HTR7: variants seen among roughly 807,000 people sequenced by gnomAD.
The protein encoded by HTR7 is 5-HT-7.
HTR7 carries 16 observed loss-of-function variants against 34.0 expected under a neutral mutation model. The ratio of observed to expected loss-of-function variants is 0.47; its 90% confidence interval spans 0.32 to 0.71. HTR7 has a LOEUF of 0.71. Ranked by LOEUF, HTR7 falls within the 30% of genes least tolerant of loss-of-function variation. The pLI, the probability that HTR7 is intolerant of heterozygous loss-of-function variation, is 0.04. For synonymous variants in HTR7, 265 were observed against 260.2 expected (o/e 1.02, Z -0.18); for missense variants, 504 against 625.5 (o/e 0.81, Z 2.07).
chr10:90,796,114 A>T (rs1232213060), intron 1 of HTR7, among the ~76,000 whole-genome samples: 1 of 152,184 alleles, frequency 6.6e-6, no homozygotes. Context: ...ATAATGAGGC[A>T]TGTCCAACCT....
At chr10:90,793,900 G>A (rs2119891854) in intron 1 of HTR7, among the ~76,000 whole-genome samples, 1 of 152,294 alleles carries the variant, frequency 6.6e-6, no homozygotes, top group South Asian at 2.1e-4. Flanking sequence ...AGGCATGGGA[G>A]AAAGATGAAG....
intron 1 of HTR7, among the ~76,000 whole-genome samples, chr10:90,841,904 G>T (rs1323007161): frequency 6.6e-6 from 1 of 152,170 alleles, no homozygotes; most frequent in African/African-American, 2.4e-5. Context: ...GAAGGCTGAG[G>T]CAGAAGAATC....
chr10:90,798,057 C>G (rs1170187700), intron 1 of HTR7, among the ~76,000 whole-genome samples: 1 of 152,036 alleles, frequency 6.6e-6, no homozygotes, highest in Non-Finnish European at 1.5e-5. Context: ...GCCTAATCAC[C>G]TCTTAGTGGT....
intron 1 of HTR7, among the ~76,000 whole-genome samples, chr10:90,806,214 T>C (rs989185934): frequency 1.3e-5 from 2 of 152,090 alleles, no homozygotes; most frequent in African/African-American, 2.4e-5. Flanking sequence ...TAAAATTAAA[T>C]GGATAGAAAG....
At chr10:90,779,330 G>C (rs981062026) in intron 1 of HTR7, among the ~76,000 whole-genome samples, 7 of 152,160 alleles carry the variant, frequency 4.6e-5, no homozygotes, top group African/African-American at 1.7e-4. Flanking sequence ...TTCTAAATCT[G>C]CTAAGAAATA....
chr10:90,796,825 A>G (rs1006657100), intron 1 of HTR7, among the ~76,000 whole-genome samples: 1 of 152,092 alleles, frequency 6.6e-6, no homozygotes, highest in African/African-American at 2.4e-5. Flanking sequence ...CGGCTAACAC[A>G]GTGAAACCCC....
intron 1 of HTR7, among the ~76,000 whole-genome samples, chr10:90,816,873 C>T (rs1200490929): frequency 2.0e-5 from 3 of 152,224 alleles, no homozygotes; most frequent in Admixed American, 2.0e-4. Context: ...TCAGACCCTA[C>T]AAATAACCTG....
At chr10:90,813,144 CT>C (rs1004779257) in intron 1 of HTR7, among the ~76,000 whole-genome samples, 6 of 152,164 alleles carry the variant, frequency 3.9e-5, no homozygotes, top group African/African-American at 1.2e-4. Context: ...GGCCCCACCC[CT>C]ATCTCCCTTT....
intron 1 of HTR7, among the ~76,000 whole-genome samples, chr10:90,757,296 G>A (rs1033551330): frequency 6.6e-6 from 1 of 152,108 alleles, no homozygotes; most frequent in Non-Finnish European, 1.5e-5. Context: ...AGGGTGAGAA[G>A]ACAACCTAAA....
At chr10:90,823,812 T>G (rs528673192) in intron 1 of HTR7, among the ~76,000 whole-genome samples, 4 of 152,278 alleles carry the variant, frequency 2.6e-5, no homozygotes, top group Non-Finnish European at 4.4e-5. Flanking sequence ...AGAGTTCTCA[T>G]GAGATCCAGT....
intron 1 of HTR7, among the ~76,000 whole-genome samples, chr10:90,754,435 T>A (rs938785355): frequency 5.9e-5 from 9 of 152,166 alleles, no homozygotes; most frequent in African/African-American, 2.2e-4. Flanking sequence ...TTAACATTCC[T>A]TAAGTATGCA....
chr10:90,824,370 G>T (rs1257188156), intron 1 of HTR7, among the ~76,000 whole-genome samples: 1 of 152,224 alleles, frequency 6.6e-6, no homozygotes, highest in Non-Finnish European at 1.5e-5. Flanking sequence ...ATCAGCAGTG[G>T]TATCTAGGTA....
At chr10:90,762,725 AGC>A (rs1401832008) in intron 1 of HTR7, among the ~76,000 whole-genome samples, 5 of 152,214 alleles carry the variant, frequency 3.3e-5, no homozygotes, top group Admixed American at 1.3e-4. Flanking sequence ...GATATAAAGG[AGC>A]TTTTACCCGG....
intron 1 of HTR7, among the ~76,000 whole-genome samples, chr10:90,853,170 C>T (rs1846525034): frequency 6.6e-6 from 1 of 152,092 alleles, no homozygotes; most frequent in South Asian, 2.1e-4. Flanking sequence ...GCGTCAACCA[C>T]TCCCTTGCAC....
At chr10:90,847,508 A>G (rs1846428310) in intron 1 of HTR7, among the ~76,000 whole-genome samples, 1 of 152,148 alleles carries the variant, frequency 6.6e-6, no homozygotes, top group Non-Finnish European at 1.5e-5. Flanking sequence ...AGAGATGAGC[A>G]AGGATAACTT....
chr10:90,827,676 G>A (rs1316895053), intron 1 of HTR7, among the ~76,000 whole-genome samples: 1 of 152,148 alleles, frequency 6.6e-6, no homozygotes, highest in Non-Finnish European at 1.5e-5. Context: ...TCTGCAAGAG[G>A]ATATAACAAT....
intron 1 of HTR7, among the ~76,000 whole-genome samples, chr10:90,843,694 G>C (rs749664597): frequency 3.7e-4 from 20 of 54,752 alleles, no homozygotes; most frequent in Non-Finnish European, 6.3e-4. Context: ...AAAAGAAAGG[G>C]GGAAAGAAGG....
At chr10:90,855,188 C>T (rs1377448877) in intron 1 of HTR7, among the ~76,000 whole-genome samples, 1 of 152,132 alleles carries the variant, frequency 6.6e-6, no homozygotes, top group Non-Finnish European at 1.5e-5. Context: ...CCTATGTTAC[C>T]ACAATTTGTG....
At chr10:90,761,047 T>C (rs1844926762) in intron 1 of HTR7, among the ~76,000 whole-genome samples, 1 of 152,216 alleles carries the variant, frequency 6.6e-6, no homozygotes. Context: ...TAAAATAACA[T>C]GTATAGTGTG....
Sources: gnomAD v4.1 joint callset for allele counts (sites outside exome capture counted in the v4.1 genomes callset) on GRCh38, gnomAD v4.1.1 for gene constraint, MANE v1.5 for transcripts, NCBI Gene and HGNC (gene_info 2026-07-23, HGNC 2026-07-21) for gene names.